Variants in SENP6 observed in about 807,000 individuals in gnomAD.
The protein encoded by SENP6 is sentrin-specific protease 6.
Under a neutral mutation model 134.5 loss-of-function variants are expected in SENP6, and 41 were observed. The observed-to-expected ratio is 0.30, with a 90% CI of 0.24 to 0.40. SENP6 has a LOEUF of 0.40. Among genes scored for constraint, SENP6 ranks in the 10% least tolerant of loss-of-function variants. The pLI, the probability that SENP6 is intolerant of heterozygous loss-of-function variation, is 1.00. For missense variants in SENP6, 1,248 were observed against 1,312.5 expected (o/e 0.95, Z 0.76); for synonymous variants, 395 against 429.8 (o/e 0.92, Z 1.00).
At chr6:75,686,421 A>C (rs1298877559) in intron 16 of SENP6, among the ~76,000 whole-genome samples, 3 of 152,158 alleles carry the variant, frequency 2.0e-5, no homozygotes, top group Non-Finnish European at 4.4e-5. Flanking sequence ...GTTATGTGTG[A>C]ATTTGATCCT....
At chr6:75,708,176 C>T (rs773139139) in intron 19 of SENP6, among the ~76,000 whole-genome samples, 41 of 152,132 alleles carry the variant, frequency 2.7e-4, no homozygotes, top group Non-Finnish European at 4.1e-4. Context: ...TCTCCTGTCT[C>T]TCAGCCTCTC....
intron 1 of SENP6, among the ~76,000 whole-genome samples, chr6:75,613,149 C>A (rs1767591962): frequency 6.6e-6 from 1 of 151,540 alleles, no homozygotes; most frequent in Non-Finnish European, 1.5e-5. Flanking sequence ...TATGACCCAG[C>A]CAAATTTGTC....
intron 3 of SENP6, among the ~76,000 whole-genome samples, chr6:75,624,605 A>G (rs183775787): frequency 1.1e-3 from 169 of 152,220 alleles, no homozygotes; most frequent in African/African-American, 3.9e-3. Flanking sequence ...TGTAGTTTTA[A>G]TTTCCATTTT....
chr6:75,684,116 C>T (rs919531703), intron 16 of SENP6, among the ~76,000 whole-genome samples: 3 of 152,086 alleles, frequency 2.0e-5, no homozygotes, highest in Non-Finnish European at 2.9e-5. Context: ...CCTTCACATC[C>T]CTTGTAAGTT....
intron 7 of SENP6, among the ~76,000 whole-genome samples, chr6:75,649,737 A>T (rs1445393333): frequency 6.6e-6 from 1 of 152,136 alleles, no homozygotes; most frequent in African/African-American, 2.4e-5. Context: ...GACTGGTCTC[A>T]AACTCCTGAC....
At chr6:75,648,328 T>TA (rs1770610901) in intron 7 of SENP6, among the ~76,000 whole-genome samples, 1 of 152,182 alleles carries the variant, frequency 6.6e-6, no homozygotes, top group South Asian at 2.1e-4. Context: ...ATAACATTTA[T>TA]AAAAAATATA....
rs562495165 is a variant in SENP6, at chr6:75,688,382, C to T, written c.2076-7422C>T. 9.9e-5 allele frequency among the ~76,000 whole-genome samples: 15 copies of T among 152,278 alleles called. 1 individual carries two copies. The highest frequency in any genetic ancestry group is 2.9e-4 in the African/African-American group (12 of 41,552). ...GGTGATGCCCCGCCCTGCTTCAGCT[C>T]ACCCTCCATGGGCTGCATCCCCTGT... On this transcript the variant is annotated intron_variant, in intron 16 of 23. Transcript: ENST00000447266.
At position 75,677,168 on chromosome 6, in the gene SENP6, A is replaced by G; in HGVS notation, c.1760A>G (p.Glu587Gly). ...SNFFAKIPFE[E>G]ANGRLVACTR... Reference sequence around the variant, plus strand: ...TTTTTTGCGAAAATTCCCTTTGAAGAAGCTAATGGCAGACTTGTTGCCTGT... The same window carrying G: ...TTTTTTGCGAAAATTCCCTTTGAAGGAGCTAATGGCAGACTTGTTGCCTGT... Residue 587 changes from glutamate (E) to glycine (G), a missense_variant, in exon 14 of 24, where the codon GAA becomes GGA. Coordinates refer to ENST00000447266, the MANE Select transcript of SENP6 (RefSeq NM_015571.4). 6.2e-7 allele frequency: 1 copy of G among 1,612,826 alleles called. No homozygotes were observed. The highest frequency in any genetic ancestry group is 8.5e-7 in the Non-Finnish European group (1 of 1,179,244).
rs1190462632 is a variant in SENP6, at chr6:75,702,751, G to A, written c.2395G>A (p.Val799Ile). 1.2e-6 allele frequency: 2 copies of A among 1,614,046 alleles called. No homozygotes were observed. The highest frequency in any genetic ancestry group is 2.2e-5 in the East Asian group (1 of 44,864). Residue 799 changes from valine to isoleucine, a missense_variant, in exon 19 of 24, where the codon GTA (valine) becomes ATA (isoleucine). Around this residue, in one of 3 missense-constraint regions of SENP6, gnomAD observed 386 missense variants for 395.0 expected, o/e 0.98. Coordinates refer to ENST00000447266, the MANE Select transcript of SENP6 (RefSeq NM_015571.4). ...TGCTGTCATACAGAAATGTTCAACT[G>A]TAGAGGACAGTTGTATTTCTTCTTC... ...ENAVIQKCST[V>I]EDSCISSSAS... is the part of the protein sequence containing the mutation.
At chr6:75,690,485 A>C (rs1774162557) in intron 16 of SENP6, among the ~76,000 whole-genome samples, 1 of 152,208 alleles carries the variant, frequency 6.6e-6, no homozygotes, top group Non-Finnish European at 1.5e-5. Flanking sequence ...TAAAGTAGTC[A>C]AATTCATAGA....
intron 16 of SENP6, among the ~76,000 whole-genome samples, chr6:75,685,135 ATGTGT>A (rs1305182251): frequency 2.0e-5 from 3 of 152,064 alleles, no homozygotes; most frequent in Admixed American, 1.3e-4. Flanking sequence ...GGGAGGGTGT[ATGTGT>A]CCAGGAATTT....
intron 16 of SENP6, among the ~76,000 whole-genome samples, chr6:75,688,174 G>A (rs1451237197): frequency 6.6e-6 from 1 of 152,234 alleles, no homozygotes; most frequent in Non-Finnish European, 1.5e-5. Flanking sequence ...CAGTGAGCAA[G>A]GCTCCATGGG....
chr6:75,624,534 C>G (rs1768520633), intron 3 of SENP6, among the ~76,000 whole-genome samples: 2 of 151,870 alleles, frequency 1.3e-5, no homozygotes, highest in Non-Finnish European at 2.9e-5. Context: ...ATCTGTTTCC[C>G]CACACATCCG....
chr6:75,656,102 C>T (rs1416499645), intron 7 of SENP6, among the ~76,000 whole-genome samples: 1 of 151,538 alleles, frequency 6.6e-6, no homozygotes, highest in African/African-American at 2.4e-5. Flanking sequence ...GTAATCCCAG[C>T]TACTCAGGAG....
At chr6:75,675,385 C>A (rs760915502) in intron 11 of SENP6, 50 bp from the exon 12 acceptor site, 6 of 1,059,096 alleles carry the variant, frequency 5.7e-6, no homozygotes, top group Non-Finnish European at 8.4e-6. Flanking sequence ...AAAGTGAAGC[C>A]TGCCTTTCTT....
At chr6:75,641,118 C>T (rs921762087) in intron 6 of SENP6, among the ~76,000 whole-genome samples, 6 of 152,142 alleles carry the variant, frequency 3.9e-5, no homozygotes, top group African/African-American at 1.4e-4. Flanking sequence ...ATCCTCTCCT[C>T]CCCTACCCTT....
At chr6:75,690,126 G>T (rs188874422) in intron 16 of SENP6, among the ~76,000 whole-genome samples, 1 of 152,278 alleles carries the variant, frequency 6.6e-6, no homozygotes, top group East Asian at 1.9e-4. Context: ...GGCCAGGCTG[G>T]TCTTGAGCTC....
intron 16 of SENP6, among the ~76,000 whole-genome samples, chr6:75,695,274 T>A (rs1774579451): frequency 6.6e-6 from 1 of 152,236 alleles, no homozygotes; most frequent in Non-Finnish European, 1.5e-5. Context: ...ATAGAATGTG[T>A]CCTTGTTTTA....
chr6:75,652,486 T>C (rs1319096096), intron 7 of SENP6, among the ~76,000 whole-genome samples: 1 of 151,786 alleles, frequency 6.6e-6, no homozygotes, highest in African/African-American at 2.4e-5. Context: ...TCCCTAGAAA[T>C]AAAATTTGGG....
Sources: allele counts gnomAD v4.1 joint callset (sites outside exome capture counted in the v4.1 genomes callset), GRCh38; gene constraint gnomAD v4.1.1; regional missense constraint gnomAD v4.1.1; transcripts MANE v1.5; gene names NCBI Gene and HGNC (gene_info 2026-07-23, HGNC 2026-07-21).